The following ATP8A2 variants were observed in gnomAD, a reference collection of about 807,000 sequenced individuals.
ATP8A2 encodes ATPase phospholipid transporting 8A2.
ATP8A2 carries 100 observed loss-of-function variants against 165.6 expected under a neutral mutation model. That is an observed-to-expected ratio of 0.60 (90% CI 0.51 to 0.71). The LOEUF is 0.71. Among genes scored for constraint, ATP8A2 ranks in the 30% least tolerant of loss-of-function variants. The pLI is 0.00. For synonymous variants in ATP8A2, 543 were observed against 548.8 expected, an observed-to-expected ratio of 0.99 and a Z score of 0.15; for missense variants, 1,227 against 1,479.5, an observed-to-expected ratio of 0.83 and a Z score of 2.80.
At chr13:25,429,231 G>A (rs1351574184) in intron 1 of ATP8A2, among the ~76,000 whole-genome samples, 1 of 151,926 alleles carries the variant, frequency 6.6e-6, no homozygotes, top group African/African-American at 2.4e-5. Flanking sequence ...TTAGTCCGGT[G>A]TGGTGGTGGG....
Position 25,853,396 on chromosome 13 carries a change from A to AAAAAAT in ATP8A2, c.2957-6798_2957-6797insAAAATA, listed in dbSNP as rs1555278504. Among the ~76,000 whole-genome samples the AAAAAAT allele has an allele frequency of 8.3e-4, 89 of 107,844 alleles. 1 individual carries two copies. Among genetic ancestry groups the AAAAAAT allele is most frequent in the Non-Finnish European group, 1.4e-3 (70 of 51,588 alleles). 70.7% of individuals were successfully genotyped at this position (107,844 alleles called of 152,430 possible). On this transcript the variant is annotated intron_variant, in intron 30 of 36. Coordinates refer to ENST00000381655, the MANE Select transcript of ATP8A2 (RefSeq NM_016529.6). The stretch of plus-strand genomic sequence containing the variant: ...ACAGAGCAAGACTCTATCTAAAAAA[A>AAAAAAT]ATATATATATATATGTATATATATA...
chr13:25,996,871 A>G (rs1956520054), intron 35 of ATP8A2, among the ~76,000 whole-genome samples: 1 of 152,218 alleles, frequency 6.6e-6, no homozygotes, highest in African/African-American at 2.4e-5. Flanking sequence ...TTTAGTAGAG[A>G]CAAGGTTTCA....
chr13:25,513,004 G>C (rs1415356727), intron 2 of ATP8A2, among the ~76,000 whole-genome samples: 6 of 145,188 alleles, frequency 4.1e-5, no homozygotes, highest in African/African-American at 1.5e-4. Flanking sequence ...TGGCCGGGCG[G>C]GGGGCTGACC....
intron 2 of ATP8A2, among the ~76,000 whole-genome samples, chr13:25,492,958 T>TC (rs2036572322): frequency 6.6e-6 from 1 of 152,320 alleles, no homozygotes; most frequent in South Asian, 2.1e-4. Flanking sequence ...ATTCCAGGTT[T>TC]CCCTTTGTGC....
chr13:26,020,021 T>C lies in ATP8A2; in HGVS notation c.*36T>C. On this transcript the variant is annotated 3_prime_UTR_variant, in exon 37 of 37. Coordinates refer to ENST00000381655, the MANE Select transcript of ATP8A2 (RefSeq NM_016529.6). ...TTCCTGACTGATCTTAGGAAAGAGA[T>C]TCAGTTTGTTGCACCCAGTGTTAAC... The C allele has an allele frequency of 5.5e-6, 8 of 1,454,736 alleles. No homozygotes were observed. The highest frequency in any genetic ancestry group is 7.7e-6 in the Non-Finnish European group (8 of 1,035,552). 90.1% of individuals were successfully genotyped at this position (1,454,736 alleles called of 1,614,324 possible).
chr13:25,851,540 G>A (rs1457387224), intron 30 of ATP8A2, among the ~76,000 whole-genome samples: 14 of 149,498 alleles, frequency 9.4e-5, no homozygotes, highest in East Asian at 2.0e-4. Context: ...CTGAGATCGC[G>A]CCACTGCACT....
intron 33 of ATP8A2, among the ~76,000 whole-genome samples, chr13:25,909,008 A>C (rs1429992980): frequency 6.6e-6 from 1 of 152,214 alleles, no homozygotes; most frequent in Non-Finnish European, 1.5e-5. Flanking sequence ...TTAAATTTTT[A>C]GGTTTGGTAC....
chr13:25,877,249 G>T (rs1369824856), intron 33 of ATP8A2, among the ~76,000 whole-genome samples: 1 of 152,136 alleles, frequency 6.6e-6, no homozygotes, highest in Non-Finnish European at 1.5e-5. Context: ...TTTTAAAAAA[G>T]GAAAGTAATT....
At chr13:25,691,921 G>A (rs575042075) in intron 24 of ATP8A2, among the ~76,000 whole-genome samples, 36 of 152,314 alleles carry the variant, frequency 2.4e-4, no homozygotes, top group African/African-American at 8.2e-4. Flanking sequence ...CACTCATTAA[G>A]TTCTATAAAT....
chr13:25,982,581 A>G (rs1304600552), intron 35 of ATP8A2, among the ~76,000 whole-genome samples: 2 of 152,224 alleles, frequency 1.3e-5, no homozygotes, highest in African/African-American at 4.8e-5. Context: ...TGCAGTGGCC[A>G]CACATTTCTG....
intron 33 of ATP8A2, among the ~76,000 whole-genome samples, chr13:25,877,655 G>A (rs1177211833): frequency 1.3e-5 from 2 of 152,146 alleles, no homozygotes; most frequent in Non-Finnish European, 2.9e-5. Context: ...GTTCCTTAGA[G>A]CAAGTGCCTT....
chr13:25,859,370 G>A (rs1296053864), intron 30 of ATP8A2, among the ~76,000 whole-genome samples: 1 of 152,060 alleles, frequency 6.6e-6, no homozygotes, highest in Non-Finnish European at 1.5e-5. Context: ...ACAAAAGTTG[G>A]AAGAAGTTGA....
Position 26,019,988 on chromosome 13 carries a change from C to T in ATP8A2, c.*3C>T, listed in dbSNP as rs1267152644. On this transcript the variant is annotated 3_prime_UTR_variant, in exon 37 of 37. Coordinates refer to ENST00000381655, the MANE Select transcript of ATP8A2 (RefSeq NM_016529.6). ...AAAAGAAATCCAGGAAGAAATAAGA[C>T]ATGAATTTTCCTGACTGATCTTAGG... The T allele has an allele frequency of 1.3e-6, 2 of 1,599,702 alleles. No individual in the cohort carries two copies. Among genetic ancestry groups the T allele is most frequent in the Non-Finnish European group, 1.7e-6 (2 of 1,166,880 alleles).
intron 2 of ATP8A2, among the ~76,000 whole-genome samples, chr13:25,472,803 C>T (rs1053567453): frequency 1.3e-5 from 2 of 152,126 alleles, no homozygotes; most frequent in African/African-American, 4.8e-5. Context: ...CCTTGGCAGG[C>T]CTGTCCTCTC....
At chr13:25,596,615 G>T (rs575084569) in intron 24 of ATP8A2, among the ~76,000 whole-genome samples, 1 of 151,650 alleles carries the variant, frequency 6.6e-6, no homozygotes, top group African/African-American at 2.4e-5. Flanking sequence ...TCCTTTTTTC[G>T]CTGGGTATTT....
intron 17 of ATP8A2, 22 bp downstream of exon 17, chr13:25,570,894 G>C (rs373332493): frequency 1.3e-6 from 2 of 1,554,526 alleles, no homozygotes; most frequent in Non-Finnish European, 1.8e-6. Flanking sequence ...GGCCGGATGC[G>C]CCCTGCTGGC....
At chr13:26,008,638 C>T (rs1242690848) in intron 35 of ATP8A2, among the ~76,000 whole-genome samples, 1 of 152,118 alleles carries the variant, frequency 6.6e-6, no homozygotes, top group Non-Finnish European at 1.5e-5. Context: ...AAACCTATAA[C>T]CAGTCATACT....
intron 33 of ATP8A2, among the ~76,000 whole-genome samples, chr13:25,910,924 A>ATTTT (rs35021710): frequency 7.0e-6 from 1 of 142,770 alleles, no homozygotes; most frequent in African/African-American, 2.6e-5. Flanking sequence ...ATCCCTCTCA[A>ATTTT]TTTTTTTTTT....
chr13:25,394,439 CA>C (rs1411910432), intron 1 of ATP8A2, among the ~76,000 whole-genome samples: 1 of 152,114 alleles, frequency 6.6e-6, no homozygotes, highest in African/African-American at 2.4e-5. Flanking sequence ...AACTGAAAAC[CA>C]AGACAAAATA....
Sources: gnomAD v4.1 joint callset for allele counts (sites outside exome capture counted in the v4.1 genomes callset) on GRCh38, gnomAD v4.1.1 for gene constraint, MANE v1.5 for transcripts, NCBI Gene and HGNC (gene_info 2026-07-23, HGNC 2026-07-21) for gene names.